The following DHX37 variants were observed in gnomAD, a reference collection of about 807,000 sequenced individuals.
The protein encoded by DHX37 is probable ATP-dependent RNA helicase DHX37.
DHX37 carries 52 observed loss-of-function variants against 134.3 expected under a neutral mutation model. The ratio of observed to expected loss-of-function variants is 0.39; its 90% CI spans 0.31 to 0.49. DHX37 has a LOEUF of 0.49. DHX37 is among the 20% of genes least tolerant of loss of function. The pLI, the probability that DHX37 is intolerant of heterozygous loss-of-function variation, is 0.93. For missense variants in DHX37, 1,344 were observed against 1,580.8 expected, an observed-to-expected ratio of 0.85 and a Z score of 2.54; for synonymous variants, 634 against 670.7, an observed-to-expected ratio of 0.95 and a Z score of 0.85.
chr12:124,975,181 G>A (rs1371333283), intron 6 of DHX37, among the ~76,000 whole-genome samples: 1 of 152,164 alleles, frequency 6.6e-6, no homozygotes, highest in Non-Finnish European at 1.5e-5. Context: ...TCGAGCCCCT[G>A]GATGGGCCAC....
chr12:124,982,735 C>T (rs904999545), intron 2 of DHX37, 112 bp from the exon 3 acceptor site: 23 of 1,441,806 alleles, frequency 1.6e-5, no homozygotes, highest in South Asian at 5.2e-5. Context: ...TCTTTAAAAT[C>T]GGCGGTCAAA....
Position 124,986,115 on chromosome 12 carries a change from T to C in DHX37, c.257A>G (p.Gln86Arg), listed in dbSNP as rs766548028. ...EKKVLQKILE[Q>R]KEKKSQRAEM... ...GTGTACCTGGCTCTTTTTCTCCTTCTGTTCTAAGATTTTCTGCAGCACTTT... is the reference window on the plus strand; with the variant it reads ...GTGTACCTGGCTCTTTTTCTCCTTCCGTTCTAAGATTTTCTGCAGCACTTT... Residue 86 changes from glutamine (Q) to arginine (R), a missense_variant, in exon 2 of 27, where the codon CAG becomes CGG. Gln to Arg is a conservative substitution (Grantham distance 43, BLOSUM62 1). This residue lies in a region of DHX37 where 319 missense variants were observed against 296.1 expected (regional missense o/e 1.08). Coordinates refer to ENST00000308736, the MANE Select transcript of DHX37 (RefSeq NM_032656.4). 3 of 1,614,008 alleles carry C rather than the reference T, an allele frequency of 1.9e-6. No homozygotes were observed. The South Asian group carries it at 3.3e-5, about 18-fold the overall frequency.
At position 124,948,473 on chromosome 12, in the gene DHX37, G is replaced by A. The variant is rs1054582971; in HGVS notation, c.3291-292C>T. The stretch of plus-strand genomic sequence containing the variant: ...TCAAAAACAAACAAACTGGCTGAGC[G>A]TGGTGGCTCACGCCTGTAATCCCAG... On this transcript the variant is annotated intron_variant, in intron 25 of 26. Transcript: ENST00000308736. The A allele has an allele frequency of 5.5e-5, 28 of 511,526 alleles. No homozygotes were observed. The Admixed American group carries it at 6.7e-4, about 12-fold the overall frequency. 31.7% of individuals were successfully genotyped at this position (511,526 alleles called of 1,614,324 possible). A position where few individuals can be genotyped will look rare whatever the true frequency, so the allele number is the denominator to read the frequency against.
In DHX37 at chr12:124,947,818, G is replaced by C; in HGVS notation, c.3458C>G (p.Pro1153Arg). The change falls in exon 27 of 27, where the codon CCC becomes CGC. Residue 1153 changes from proline to arginine, a missense_variant. Transcript: ENST00000308736. ...GGTTTCTGGTCAGTGGACAGTGGTG[G>C]GGGGCCAGGCTTTCTCGATATCGGG... Reference protein sequence around the residue: ...MHPDIEKAWPPTTVH With the variant: ...MHPDIEKAWPRTTVH The C allele has an allele frequency of 6.3e-7, 1 of 1,591,346 alleles. No individual in the cohort carries two copies. The highest frequency in any genetic ancestry group is 8.6e-7 in the Non-Finnish European group (1 of 1,167,650).
rs749490745 is a variant in DHX37, at chr12:124,947,674, A to C, written c.*128T>G. The C allele has an allele frequency of 2.2e-5, 28 of 1,270,528 alleles. No individual in the cohort carries two copies. Among genetic ancestry groups the C allele is most frequent in the Admixed American group, 2.9e-5 (1 of 34,110 alleles). The allele number at this position is 1,270,528 out of a possible 1,614,324, so 78.7% of individuals were successfully genotyped here. A position where few individuals can be genotyped will look rare whatever the true frequency, so the allele number is the denominator to read the frequency against. ...CGAGCTCTCATGGATGAGGGTTCCC[A>C]GGGCTTGACCCACTTCCTGAGAGCA... On this transcript the variant is annotated 3_prime_UTR_variant, in exon 27 of 27. Coordinates refer to ENST00000308736, the MANE Select transcript of DHX37 (RefSeq NM_032656.4).
intron 13 of DHX37, 153 bp from the exon 14 acceptor site, chr12:124,965,159 G>T: frequency 2.7e-6 from 1 of 373,748 alleles, no homozygotes; most frequent in Non-Finnish European, 3.7e-6. Context: ...GCCAGGCCAA[G>T]CCTGGGGGAA....
At chr12:124,984,976 C>T (rs951905271) in intron 2 of DHX37, among the ~76,000 whole-genome samples, 1 of 152,114 alleles carries the variant, frequency 6.6e-6, no homozygotes, top group Non-Finnish European at 1.5e-5. Flanking sequence ...CGAAGAGACA[C>T]ACGGAGGAAA....
chr12:124,963,535 C>T (rs1245595413), intron 15 of DHX37, among the ~76,000 whole-genome samples: 1 of 152,062 alleles, frequency 6.6e-6, no homozygotes, highest in Non-Finnish European at 1.5e-5. Context: ...AAGCTGTTAA[C>T]AAACAGCACT....
At chr12:124,970,027 C>T (rs1954481708) in intron 8 of DHX37, among the ~76,000 whole-genome samples, 1 of 152,198 alleles carries the variant, frequency 6.6e-6, no homozygotes, top group Admixed American at 6.5e-5. Flanking sequence ...GGCTGGAGTG[C>T]AGTGGCGCGA....
At chr12:124,956,633 C>T in intron 18 of DHX37, 58 bp downstream of exon 18, 2 of 1,479,630 alleles carry the variant, frequency 1.4e-6, no homozygotes, top group Non-Finnish European at 1.8e-6. Flanking sequence ...GGACTCTCAG[C>T]CCAGAGCCCC....
chr12:124,972,014 C>T (rs1954534473), intron 7 of DHX37, among the ~76,000 whole-genome samples: 2 of 152,240 alleles, frequency 1.3e-5, no homozygotes, highest in Non-Finnish European at 2.9e-5. Flanking sequence ...GGGCAAGCCC[C>T]AGCGGCCCCT....
chr12:124,969,324 G>C (rs1381983214), intron 8 of DHX37, among the ~76,000 whole-genome samples: 1 of 152,178 alleles, frequency 6.6e-6, no homozygotes, highest in African/African-American at 2.4e-5. Context: ...TCTGTGGGGG[G>C]TGGGAGAGAG....
rs921554487 is a variant in DHX37 at position 124,971,296 on chromosome 12, C to T, written c.1191+6G>A. 17 of 1,611,486 alleles carry T rather than the reference C, an allele frequency of 1.1e-5. No individual in the cohort carries two copies. Among genetic ancestry groups the T allele is most frequent in the African/African-American group, 6.7e-5 (5 of 74,882 alleles). On this transcript the variant is annotated splice_donor_region_variant and intron_variant, in intron 8 of 26. Coordinates refer to ENST00000308736, the MANE Select transcript of DHX37 (RefSeq NM_032656.4). ...GGGGCTCCCCAGCACCCGCCTCCTG[C>T]GCTACCTTAGCCCGGAGAGTCACAA...
At chr12:124,984,379 C>A (rs907503261) in intron 2 of DHX37, among the ~76,000 whole-genome samples, 4 of 151,936 alleles carry the variant, frequency 2.6e-5, no homozygotes, top group African/African-American at 7.3e-5. Context: ...TTAAAAATAA[C>A]AAAGTTAGCC....
At chr12:124,979,021 GCA>G (rs541446550) in intron 4 of DHX37, among the ~76,000 whole-genome samples, 182 of 152,108 alleles carry the variant, frequency 1.2e-3, no homozygotes, top group Non-Finnish European at 2.3e-3. Flanking sequence ...AGAAACTTCT[GCA>G]CATGCGCTCA....
intron 18 of DHX37, among the ~76,000 whole-genome samples, chr12:124,954,558 T>C (rs1011709588): frequency 6.6e-6 from 1 of 152,078 alleles, no homozygotes; most frequent in African/African-American, 2.4e-5. Context: ...CAGGCCCGGC[T>C]AAGTTTTTGC....
intron 18 of DHX37, 50 bp from the exon 19 acceptor site, chr12:124,954,261 G>A (rs946079535): frequency 2.0e-6 from 3 of 1,518,668 alleles, no homozygotes; most frequent in Non-Finnish European, 2.6e-6. Context: ...GCTGCGCTCA[G>A]GGCCTCAGCG....
intron 2 of DHX37, 113 bp from the exon 3 acceptor site, chr12:124,982,736 G>A (rs556569669): frequency 9.7e-6 from 14 of 1,438,920 alleles, no homozygotes; most frequent in Non-Finnish European, 1.2e-5. Context: ...CTTTAAAATC[G>A]GCGGTCAAAT....
intron 16 of DHX37, among the ~76,000 whole-genome samples, 188 bp downstream of exon 16, chr12:124,960,124 G>A (rs1232736520): frequency 1.3e-5 from 2 of 152,236 alleles, no homozygotes; most frequent in Admixed American, 1.3e-4. Flanking sequence ...GTGTCCACGG[G>A]CGATGCAGCA....
Sources: allele counts gnomAD v4.1 joint callset (sites outside exome capture counted in the v4.1 genomes callset), GRCh38; gene constraint gnomAD v4.1.1; regional missense constraint gnomAD v4.1.1; transcripts MANE v1.5; gene names NCBI Gene and HGNC (gene_info 2026-07-23, HGNC 2026-07-21).